Variants in RFX3 observed in about 807,000 individuals in gnomAD.
RFX3 encodes the protein regulatory factor X3, also known as transcription factor RFX3.
RFX3 carries 14 observed loss-of-function variants against 98.6 expected under a neutral mutation model. That is an observed-to-expected ratio of 0.14 (90% CI 0.09 to 0.22). The LOEUF is 0.22. Ranked by LOEUF, RFX3 falls within the 10% of genes least tolerant of loss-of-function variation. The pLI is 1.00. For synonymous variants in RFX3, 383 were observed against 328.4 expected, an observed-to-expected ratio of 1.17 and a Z score of -1.80; for missense variants, 639 against 926.9, an observed-to-expected ratio of 0.69 and a Z score of 4.03.
In RFX3 at chr9:3,327,198, T is replaced by TA. The variant is rs966186162; in HGVS notation, c.474+3060dup. ...TCCCATTTAATGGCATGGCATCTCC[T>TA]AAAAAAAAAAATCTTGATTTTTAGG... On this transcript the variant is annotated intron_variant, in intron 4 of 16. Coordinates refer to ENST00000617270, the MANE Select transcript of RFX3 (RefSeq NM_001282116.2). 5.0e-3 allele frequency among the ~76,000 whole-genome samples: 735 copies of TA among 146,756 alleles called. 7 individuals carry two copies. Among genetic ancestry groups the TA allele is most frequent in the African/African-American group, 0.017 (673 of 40,246 alleles).
intron 1 of RFX3, among the ~76,000 whole-genome samples, chr9:3,412,933 G>C (rs1355620105): frequency 6.6e-6 from 1 of 152,034 alleles, no homozygotes; most frequent in African/African-American, 2.4e-5. Flanking sequence ...TAACTATAGA[G>C]AACAGGGTTA....
intron 1 of RFX3, among the ~76,000 whole-genome samples, chr9:3,430,322 A>G (rs1298648390): frequency 6.6e-6 from 1 of 152,220 alleles, no homozygotes; most frequent in Non-Finnish European, 1.5e-5. Context: ...AATTTTAATC[A>G]GCTTAATTAG....
At chr9:3,333,539 T>G (rs1461486025) in intron 3 of RFX3, among the ~76,000 whole-genome samples, 1 of 152,066 alleles carries the variant, frequency 6.6e-6, no homozygotes, top group Non-Finnish European at 1.5e-5. Flanking sequence ...TTTGTTTCTT[T>G]ATTTATATGT....
intron 1 of RFX3, among the ~76,000 whole-genome samples, chr9:3,468,727 A>G (rs1848523260): frequency 6.6e-6 from 1 of 151,884 alleles, no homozygotes; most frequent in South Asian, 2.1e-4. Flanking sequence ...GCAGCTGTCA[A>G]CCATGAAGAC....
intron 6 of RFX3, among the ~76,000 whole-genome samples, chr9:3,291,341 C>T (rs548421375): frequency 2.6e-5 from 4 of 152,202 alleles, no homozygotes; most frequent in African/African-American, 4.8e-5. Context: ...CACTGCACTC[C>T]AGCCTGGGCA....
intron 1 of RFX3, among the ~76,000 whole-genome samples, chr9:3,474,576 G>A (rs1849063448): frequency 6.6e-6 from 1 of 152,168 alleles, no homozygotes; most frequent in Non-Finnish European, 1.5e-5. Flanking sequence ...TAGTATCACT[G>A]TCTCCAATTT....
intron 1 of RFX3, among the ~76,000 whole-genome samples, chr9:3,520,206 T>G (rs1368298735): frequency 6.6e-6 from 1 of 152,232 alleles, no homozygotes; most frequent in East Asian, 1.9e-4. Flanking sequence ...AGACCAGTAT[T>G]TAAACATAGT....
chr9:3,320,355 C>A (rs376432042), intron 4 of RFX3, among the ~76,000 whole-genome samples: 1 of 151,948 alleles, frequency 6.6e-6, no homozygotes, highest in African/African-American at 2.4e-5. Context: ...GAGTTTGAGA[C>A]CAGCCTGGCC....
chr9:3,502,700 AT>A (rs1048052245), intron 1 of RFX3, among the ~76,000 whole-genome samples: 13 of 151,794 alleles, frequency 8.6e-5, no homozygotes, highest in Middle Eastern at 3.4e-3. Flanking sequence ...TATTTTCACG[AT>A]TTTTTTTTCC....
chr9:3,314,157 G>C (rs950260253), intron 4 of RFX3, among the ~76,000 whole-genome samples: 1 of 152,196 alleles, frequency 6.6e-6, no homozygotes, highest in Non-Finnish European at 1.5e-5. Context: ...AAGCCCATCA[G>C]ACTAACAGCG....
intron 15 of RFX3, chr9:3,247,619 T>A (rs973694100): frequency 7.5e-7 from 1 of 1,329,582 alleles, no homozygotes; most frequent in African/African-American, 1.5e-5. Context: ...TAAAATAGAA[T>A]CATTTACTTT....
chr9:3,321,128 T>G (rs1587050119), intron 4 of RFX3, among the ~76,000 whole-genome samples: 1 of 152,028 alleles, frequency 6.6e-6, no homozygotes, highest in African/African-American at 2.4e-5. Flanking sequence ...GGTCTCGAAC[T>G]CCTGACCTCA....
chr9:3,349,121 A>T (rs1183187002), intron 2 of RFX3, among the ~76,000 whole-genome samples: 1 of 152,040 alleles, frequency 6.6e-6, no homozygotes, highest in African/African-American at 2.4e-5. Context: ...TAATTTTTTC[A>T]TTGAATTTTA....
In RFX3 at chr9:3,357,890, G is replaced by A. The variant is rs915598675; in HGVS notation, c.118-11126C>T. ...CAACTATAATATATATTTTAAAAAT[G>A]AGTTTCTCTAAAAGGTCTTCTGTAA... is the stretch of plus-strand genomic sequence containing the variant. On this transcript the variant is annotated intron_variant, in intron 2 of 16. Coordinates refer to ENST00000617270, the MANE Select transcript of RFX3 (RefSeq NM_001282116.2). 3.3e-5 allele frequency among the ~76,000 whole-genome samples: 5 copies of A among 152,074 alleles called. No homozygotes were observed. In the East Asian group the frequency reaches 9.7e-4, roughly 29 times the overall value.
At chr9:3,474,224 A>G (rs1849025053) in intron 1 of RFX3, among the ~76,000 whole-genome samples, 1 of 152,240 alleles carries the variant, frequency 6.6e-6, no homozygotes, top group Admixed American at 6.5e-5. Flanking sequence ...GCAAGCCTAT[A>G]TTGAAAAAAA....
intron 2 of RFX3, among the ~76,000 whole-genome samples, chr9:3,379,073 C>A (rs1350859940): frequency 6.6e-6 from 1 of 152,154 alleles, no homozygotes; most frequent in Non-Finnish European, 1.5e-5. Flanking sequence ...TTTCAACAAA[C>A]ATTTACTGAG....
At chr9:3,250,636 C>T (rs1344536653) in intron 14 of RFX3, among the ~76,000 whole-genome samples, 1 of 151,806 alleles carries the variant, frequency 6.6e-6, no homozygotes, top group Admixed American at 6.6e-5. Flanking sequence ...GTCACAACTG[C>T]AGCACAATAT....
chr9:3,254,310 C>A (rs1323430200), intron 14 of RFX3, among the ~76,000 whole-genome samples: 2 of 149,808 alleles, frequency 1.3e-5, no homozygotes, highest in Non-Finnish European at 3.0e-5. Context: ...GACGTAAGGG[C>A]AAGTCTGACA....
chr9:3,284,914 G>C (rs899895489), intron 7 of RFX3, among the ~76,000 whole-genome samples: 1 of 151,708 alleles, frequency 6.6e-6, no homozygotes. Flanking sequence ...CCATACAGTG[G>C]TATTGCTGGG....
Sources: allele counts gnomAD v4.1 joint callset (sites outside exome capture counted in the v4.1 genomes callset), GRCh38; gene constraint gnomAD v4.1.1; transcripts MANE v1.5; gene names NCBI Gene and HGNC (gene_info 2026-07-23, HGNC 2026-07-21).